The following CNTN5 variants were observed in gnomAD, a reference collection of about 807,000 sequenced individuals.
CNTN5 encodes contactin 5.
In CNTN5, 77 loss-of-function variants were observed where a neutral mutation model predicts 129.1. That is an observed-to-expected ratio of 0.60 (90% CI 0.50 to 0.72). The LOEUF is 0.72. Among genes scored for constraint, CNTN5 ranks in the 30% least tolerant of loss-of-function variants. The probability of loss-of-function intolerance (pLI) is 0.00; values close to 1 mark genes in which losing one functional copy is unlikely to be tolerated. For synonymous variants in CNTN5, 509 were observed against 465.6 expected, an observed-to-expected ratio of 1.09 and a Z score of -1.20; for missense variants, 1,478 against 1,328.8, an observed-to-expected ratio of 1.11 and a Z score of -1.75.
chr11:99,776,693 A>G (rs1945136195), intron 3 of CNTN5, among the ~76,000 whole-genome samples: 1 of 151,692 alleles, frequency 6.6e-6, no homozygotes, highest in Non-Finnish European at 1.5e-5. Flanking sequence ...AATATACAGC[A>G]GTGCTCTCTA....
chr11:99,035,218 G>T (rs1383347198), intron 1 of CNTN5, among the ~76,000 whole-genome samples: 1 of 150,332 alleles, frequency 6.7e-6, no homozygotes, highest in African/African-American at 2.5e-5. Context: ...AATAGGTGTG[G>T]TGTGGTGCTG....
At chr11:99,113,244 G>A (rs888970007) in intron 1 of CNTN5, among the ~76,000 whole-genome samples, 3 of 151,974 alleles carry the variant, frequency 2.0e-5, no homozygotes, top group Non-Finnish European at 4.4e-5. Flanking sequence ...GATGGATACA[G>A]GAGTTAACAT....
At chr11:100,136,549 A>G (rs561607798) in intron 13 of CNTN5, among the ~76,000 whole-genome samples, 3 of 152,208 alleles carry the variant, frequency 2.0e-5, no homozygotes, top group African/African-American at 7.2e-5. Flanking sequence ...GTAATAATTG[A>G]CATTAATCAA....
intron 6 of CNTN5, among the ~76,000 whole-genome samples, chr11:99,899,225 C>G (rs767631823): frequency 2.6e-5 from 4 of 152,078 alleles, no homozygotes; most frequent in Non-Finnish European, 4.4e-5. Flanking sequence ...ATTTCTTTCT[C>G]TTACGTGATA....
intron 6 of CNTN5, among the ~76,000 whole-genome samples, chr11:99,886,737 T>C (rs1443033363): frequency 6.6e-6 from 1 of 152,220 alleles, no homozygotes; most frequent in Non-Finnish European, 1.5e-5. Flanking sequence ...TATGTTAATA[T>C]GTTACAGCAG....
At chr11:100,036,111 T>G (rs917298232) in intron 9 of CNTN5, among the ~76,000 whole-genome samples, 1 of 152,224 alleles carries the variant, frequency 6.6e-6, no homozygotes, top group Non-Finnish European at 1.5e-5. Flanking sequence ...CTCTAACATT[T>G]AAGTCTTTAA....
At chr11:100,032,164 T>C (rs563708085) in intron 9 of CNTN5, among the ~76,000 whole-genome samples, 69 of 152,270 alleles carry the variant, frequency 4.5e-4, no homozygotes, top group African/African-American at 1.6e-3. Context: ...TTTTATATAT[T>C]TGGCCCATGA....
intron 2 of CNTN5, among the ~76,000 whole-genome samples, chr11:99,369,771 C>G (rs2136129379): frequency 6.6e-6 from 1 of 152,064 alleles, no homozygotes; most frequent in Admixed American, 6.6e-5. Context: ...TTATTGAATA[C>G]TTATATCTGC....
chr11:99,241,642 A>AT (rs1861565953), intron 1 of CNTN5, among the ~76,000 whole-genome samples: 1 of 151,874 alleles, frequency 6.6e-6, no homozygotes, highest in Non-Finnish European at 1.5e-5. Context: ...ATCAGTTTTC[A>AT]TTTTTCCCTG....
In CNTN5 at chr11:100,186,586, T is replaced by G. The variant is rs113351780; in HGVS notation, c.1581-4540T>G. Among the ~76,000 whole-genome samples, 1,007 of 152,154 alleles carry G rather than the reference T, an allele frequency of 6.6e-3. 10 individuals are homozygous for G. Among genetic ancestry groups the G allele is most frequent in the African/African-American group, 0.023 (950 of 41,512 alleles). On this transcript the variant is annotated intron_variant, in intron 13 of 24. Coordinates refer to ENST00000524871, the MANE Select transcript of CNTN5 (RefSeq NM_014361.4). ...GAAGCAAGACATCTCCAGGGCTAGA[T>G]AGAAACTTATGGAGAAGTCTAGAGA...
chr11:99,948,330 A>G (rs1339091632), intron 7 of CNTN5, among the ~76,000 whole-genome samples: 1 of 152,162 alleles, frequency 6.6e-6, no homozygotes, highest in Non-Finnish European at 1.5e-5. Context: ...CTGGTATTTT[A>G]TAGTAGGTCT....
intron 1 of CNTN5, among the ~76,000 whole-genome samples, chr11:99,269,945 G>GA (rs1032558781): frequency 2.7e-5 from 4 of 149,944 alleles, no homozygotes; most frequent in Non-Finnish European, 5.9e-5. Flanking sequence ...CTCTACTTGG[G>GA]AAAAAATGCA....
chr11:99,215,220 T>C (rs1309156051), intron 1 of CNTN5, among the ~76,000 whole-genome samples: 1 of 152,090 alleles, frequency 6.6e-6, no homozygotes, highest in African/African-American at 2.4e-5. Context: ...TCAGCTGAGA[T>C]GGTTTTTAGG....
intron 6 of CNTN5, among the ~76,000 whole-genome samples, chr11:99,874,261 G>C (rs187506963): frequency 6.6e-6 from 1 of 152,126 alleles, no homozygotes. Flanking sequence ...GTCTTCCTCC[G>C]TTCCTTTCCT....
intron 1 of CNTN5, among the ~76,000 whole-genome samples, chr11:99,137,579 T>A (rs972968197): frequency 6.6e-6 from 1 of 152,234 alleles, no homozygotes; most frequent in Non-Finnish European, 1.5e-5. Context: ...TAAAGTGAAT[T>A]TTTTTGCCTG....
At chr11:100,080,104 C>T (rs542978759) in intron 13 of CNTN5, among the ~76,000 whole-genome samples, 22 of 152,118 alleles carry the variant, frequency 1.4e-4, no homozygotes, top group African/African-American at 5.1e-4. Flanking sequence ...TGTTGTTGAA[C>T]CTCATAGAAT....
chr11:99,501,273 G>A (rs1436169951), intron 2 of CNTN5, among the ~76,000 whole-genome samples: 1 of 152,158 alleles, frequency 6.6e-6, no homozygotes, highest in Non-Finnish European at 1.5e-5. Flanking sequence ...TCAGCAATTG[G>A]CTTTATAGTA....
chr11:100,325,071 C>T (rs539870541), intron 21 of CNTN5, among the ~76,000 whole-genome samples: 74 of 152,148 alleles, frequency 4.9e-4, no homozygotes, highest in Non-Finnish European at 9.1e-4. Flanking sequence ...ACTAAATTGA[C>T]GCAAGCAGGG....
At chr11:99,698,296 G>A (rs949038000) in intron 3 of CNTN5, among the ~76,000 whole-genome samples, 2 of 150,472 alleles carry the variant, frequency 1.3e-5, no homozygotes, top group South Asian at 4.2e-4. Context: ...AATATTACTT[G>A]TAATTTGATT....
Sources: allele counts gnomAD v4.1 joint callset (sites outside exome capture counted in the v4.1 genomes callset), GRCh38; gene constraint gnomAD v4.1.1; transcripts MANE v1.5; gene names NCBI Gene and HGNC (gene_info 2026-07-23, HGNC 2026-07-21).